The following NACC2 variants were observed in gnomAD, a reference collection of about 807,000 sequenced individuals.
NACC2 encodes the protein NACC family member 2, also known as nucleus accumbens-associated protein 2.
In NACC2, 8 loss-of-function variants were observed where a neutral mutation model predicts 25.1. The observed-to-expected ratio is 0.32, with a 90% CI of 0.19 to 0.57. NACC2 has a LOEUF of 0.57. Ranked by LOEUF, NACC2 falls within the 20% of genes least tolerant of loss-of-function variation. The probability of loss-of-function intolerance (pLI) is 0.89; values close to 1 mark genes in which losing one functional copy is unlikely to be tolerated. For synonymous variants in NACC2, 435 were observed against 294.7 expected, an observed-to-expected ratio of 1.48 and a Z score of -4.88; for missense variants, 644 against 650.2, an observed-to-expected ratio of 0.99 and a Z score of 0.10.
intron 5 of NACC2, 105 bp from the exon 6 acceptor site, chr9:136,012,129 TCCTGGGGCCCATGTGACCA>T (rs1840121005): frequency 4.4e-6 from 6 of 1,356,682 alleles, no homozygotes; most frequent in African/African-American, 1.5e-5. Context: ...CCCCGGCCGC[TCCTGGGGCCCATGTGACCA>T]CCTGGGGCTC....
chr9:136,057,638 C>T (rs1840944383), intron 1 of NACC2, among the ~76,000 whole-genome samples: 1 of 152,246 alleles, frequency 6.6e-6, no homozygotes, highest in African/African-American at 2.4e-5. Flanking sequence ...GCGCCAGCTC[C>T]AGCGCAGGGC....
chr9:136,094,943 G>A (rs1830473410), intron 1 of NACC2, among the ~76,000 whole-genome samples: 1 of 146,966 alleles, frequency 6.8e-6, no homozygotes, highest in African/African-American at 2.4e-5. Flanking sequence ...GGTCGCGGGC[G>A]CCTCCGCCGG....
At chr9:136,060,294 T>G (rs1840989864) in intron 1 of NACC2, among the ~76,000 whole-genome samples, 1 of 152,000 alleles carries the variant, frequency 6.6e-6, no homozygotes, top group Non-Finnish European at 1.5e-5. Flanking sequence ...CGGCGGAAGG[T>G]GGGGAGGCCT....
At chr9:136,021,875 C>T (rs1366407942) in intron 2 of NACC2, among the ~76,000 whole-genome samples, 1 of 152,218 alleles carries the variant, frequency 6.6e-6, no homozygotes, top group Non-Finnish European at 1.5e-5. Flanking sequence ...ATTTGTATGA[C>T]ATTGTCCAGG....
intron 1 of NACC2, among the ~76,000 whole-genome samples, chr9:136,062,162 C>CAGGACAGGAT (rs1564235406): frequency 7.2e-6 from 1 of 138,836 alleles, no homozygotes; most frequent in African/African-American, 2.6e-5. Context: ...CAGGACAGGA[C>CAGGACAGGAT]AGGACAGGAC....
intron 1 of NACC2, among the ~76,000 whole-genome samples, chr9:136,052,569 G>A (rs1588572909): frequency 6.6e-6 from 1 of 152,110 alleles, no homozygotes; most frequent in Non-Finnish European, 1.5e-5. Context: ...GGTCCTGGGG[G>A]CCTTAGAGCT....
At chr9:136,073,500 C>T (rs1439501292) in intron 1 of NACC2, among the ~76,000 whole-genome samples, 5 of 151,866 alleles carry the variant, frequency 3.3e-5, no homozygotes, top group Admixed American at 6.6e-5. Context: ...GGGGTGTGAG[C>T]GTGGATCCAG....
intron 1 of NACC2, among the ~76,000 whole-genome samples, chr9:136,082,598 G>C (rs1481441156): frequency 6.6e-6 from 1 of 152,240 alleles, no homozygotes; most frequent in Non-Finnish European, 1.5e-5. Context: ...AGGCGTCTTA[G>C]CAGGTGCTGC....
At chr9:136,054,766 A>G (rs887313403) in intron 1 of NACC2, among the ~76,000 whole-genome samples, 3 of 151,100 alleles carry the variant, frequency 2.0e-5, no homozygotes. Context: ...GATTCAACAC[A>G]CTCATTCACT....
chr9:136,014,050 AGG>A, intron 3 of NACC2, 81 bp from the exon 4 acceptor site: 4 of 126,496 alleles, frequency 3.2e-5, no homozygotes, highest in South Asian at 2.0e-4. Context: ...GGTGAGGGGG[AGG>A]GGGGGAGGTG....
Position 136,013,852 on chromosome 9 carries a change from G to GC in NACC2, c.1157+11dup, listed in dbSNP as rs779702181. 1.2e-6 allele frequency: 2 copies of GC among 1,610,308 alleles called. No individual in the cohort carries two copies. Among genetic ancestry groups the GC allele is most frequent in the South Asian group, 2.2e-5 (2 of 90,942 alleles). On this transcript the variant is annotated intron_variant, in intron 4 of 5. Coordinates refer to ENST00000277554, the MANE Select transcript of NACC2 (RefSeq NM_144653.5). This position sits in a 1 kb window ranked among gnomAD's most constrained non-coding sequence, Gnocchi z 6.6. Reference sequence around the variant, plus strand: ...CTCCATTGTGCCCTCCAGCACTCCTGCCCCGACCTACCTGTCAAAGAAGGT... The same window carrying GC: ...CTCCATTGTGCCCTCCAGCACTCCTGCCCCCGACCTACCTGTCAAAGAAGGT...
Position 136,084,068 on chromosome 9 carries a change from A to G in NACC2, c.-60+11121T>C, listed in dbSNP as rs7862513. Among the ~76,000 whole-genome samples the G allele has an allele frequency of 0.88, 133,737 of 152,062 alleles. 59,910 individuals are homozygous for G. The highest frequency in any genetic ancestry group is 0.99 in the South Asian group (4,745 of 4,808). On this transcript the variant is annotated intron_variant, in intron 1 of 5. Transcript: ENST00000277554. The surrounding 1 kb of genome is among the most constrained non-coding windows in gnomAD (Gnocchi z 5.1). Reference sequence around the variant, plus strand: ...ACAGCCTGAGGAAGAGCGGGGAGGTAGGGAAGGTGGTGCTCGCTGAGGGTG... The same window carrying G: ...ACAGCCTGAGGAAGAGCGGGGAGGTGGGGAAGGTGGTGCTCGCTGAGGGTG...
intron 1 of NACC2, among the ~76,000 whole-genome samples, chr9:136,080,297 C>T (rs1416850377): frequency 2.0e-5 from 3 of 152,218 alleles, no homozygotes; most frequent in Non-Finnish European, 4.4e-5. Flanking sequence ...AGCCCAGGCC[C>T]CTTCGCTGCC....
intron 2 of NACC2, among the ~76,000 whole-genome samples, chr9:136,023,096 AAGAGGGAGGGAGGAGGGAGG>A (rs1840321409): frequency 4.5e-3 from 1 of 220 alleles, no homozygotes; most frequent in Non-Finnish European, 0.01. Context: ...GGAAGGAGGG[AAGAGGGAGGGAGGAGGGAGG>A]GGGAGGAGGG....
chr9:136,092,424 C>T (rs1403304156), intron 1 of NACC2, among the ~76,000 whole-genome samples: 1 of 152,232 alleles, frequency 6.6e-6, no homozygotes, highest in Admixed American at 6.5e-5. Context: ...ATGCATCAGA[C>T]GGCGGCTCAG....
intron 2 of NACC2, among the ~76,000 whole-genome samples, chr9:136,049,003 G>A (rs1840772658): frequency 6.6e-6 from 1 of 152,246 alleles, no homozygotes. Flanking sequence ...CCGATCCTGG[G>A]CACCAACTGT....
At chr9:136,023,883 G>A (rs185867625) in intron 2 of NACC2, among the ~76,000 whole-genome samples, 93 of 152,332 alleles carry the variant, frequency 6.1e-4, no homozygotes, top group Non-Finnish European at 7.9e-4. Context: ...GGCAATGCAC[G>A]GGATGCCACC....
At position 136,013,176 on chromosome 9, in the gene NACC2, C is replaced by CCCG; in HGVS notation, c.1255+22_1255+23insCGG. Reference sequence around the variant, plus strand: ...TGAACCCAGCCCCGGCCCCACCCACCCGAGAGACCCCCAGGCTCTTACATT... The same window carrying CCCG: ...TGAACCCAGCCCCGGCCCCACCCACCCCGCGAGAGACCCCCAGGCTCTTACATT... On this transcript the variant is annotated intron_variant, in intron 5 of 5. Transcript: ENST00000277554. This position sits in a 1 kb window ranked among gnomAD's most constrained non-coding sequence, Gnocchi z 6.6. 1 of 1,471,354 alleles carries CCCG rather than the reference C, an allele frequency of 6.8e-7. No individual in the cohort carries two copies. Among genetic ancestry groups the CCCG allele is most frequent in the Non-Finnish European group, 9.5e-7 (1 of 1,055,602 alleles). 91.1% of individuals were successfully genotyped at this position (1,471,354 alleles called of 1,614,324 possible).
At position 136,013,625 on chromosome 9, in the gene NACC2, A is replaced by G. The variant is rs1479769090; in HGVS notation, c.1157+239T>C. On this transcript the variant is annotated intron_variant, in intron 4 of 5. Coordinates refer to ENST00000277554, the MANE Select transcript of NACC2 (RefSeq NM_144653.5). The surrounding 1 kb of genome is among the most constrained non-coding windows in gnomAD (Gnocchi z 6.6). ...CACAACAGAATAAGTGTGGCTCTTC[A>G]TTTTTCTGTTGTGGGGGTTGCATCC... Among the ~76,000 whole-genome samples, 1 of 152,002 alleles carries G rather than the reference A, an allele frequency of 6.6e-6. No homozygotes were observed. The highest frequency in any genetic ancestry group is 1.5e-5 in the Non-Finnish European group (1 of 68,004).
Sources: gnomAD v4.1 joint callset for allele counts (sites outside exome capture counted in the v4.1 genomes callset) on GRCh38, gnomAD v4.1.1 for gene constraint, Gnocchi (gnomAD v3.1) non-coding constraint, MANE v1.5 for transcripts, NCBI Gene and HGNC (gene_info 2026-07-23, HGNC 2026-07-21) for gene names.